The following CACNA2D1 variants were observed in gnomAD, a reference collection of about 807,000 sequenced individuals.
CACNA2D1 encodes voltage-dependent calcium channel subunit alpha-2/delta-1.
Under a neutral mutation model 171.5 loss-of-function variants are expected in CACNA2D1, and 53 were observed. The ratio of observed to expected loss-of-function variants is 0.31; its 90% CI spans 0.25 to 0.39. The LOEUF (loss-of-function observed/expected upper bound fraction) is 0.39, where lower values mean the gene tolerates loss of function less well. Among genes scored for constraint, CACNA2D1 ranks in the 10% least tolerant of loss-of-function variants. The pLI is 1.00. For missense variants in CACNA2D1, 903 were observed against 1,299.8 expected (o/e 0.69, Z 4.69); for synonymous variants, 442 against 443.1 (o/e 1.00, Z 0.03).
intron 3 of CACNA2D1, among the ~76,000 whole-genome samples, chr7:82,269,621 C>A (rs1047772721): frequency 2.0e-4 from 31 of 152,272 alleles, no homozygotes. Context: ...TTCCCCACTG[C>A]ACTGTGAGGT....
chr7:82,068,427 G>A (rs927737680), intron 7 of CACNA2D1, among the ~76,000 whole-genome samples: 42 of 152,128 alleles, frequency 2.8e-4, no homozygotes, highest in Non-Finnish European at 8.8e-5. Flanking sequence ...GGAACTGGGG[G>A]ATTAGGACCT....
chr7:82,350,731 A>T (rs895253845), intron 1 of CACNA2D1, among the ~76,000 whole-genome samples: 3 of 152,196 alleles, frequency 2.0e-5, no homozygotes, highest in African/African-American at 7.2e-5. Flanking sequence ...TAGATTTGGA[A>T]TTACTAGATC....
chr7:82,126,929 C>T (rs1416350330), intron 5 of CACNA2D1, among the ~76,000 whole-genome samples: 2 of 152,166 alleles, frequency 1.3e-5, no homozygotes, highest in Admixed American at 6.6e-5. Flanking sequence ...GTGCATCAAG[C>T]AATGGGACAT....
At position 82,343,170 on chromosome 7, in the gene CACNA2D1, C is replaced by A. The variant is rs1285389586; in HGVS notation, c.177+6398G>T. 4 of 152,148 alleles carry A rather than the reference C, an allele frequency of 2.6e-5. No individual in the cohort carries two copies. In the East Asian group the frequency reaches 7.7e-4, roughly 29 times the overall value. The allele number at this position is 152,148 out of a possible 1,614,324, so 9.4% of individuals were successfully genotyped here. A position where few individuals can be genotyped will look rare whatever the true frequency, so the allele number is the denominator to read the frequency against. ...TTCTAATACCAAACTCACGAGTCTC[C>A]CTAGCCACTCTATTCTTTCTATTTG... On this transcript the variant is annotated intron_variant, in intron 2 of 38. Transcript: ENST00000356860.
chr7:82,327,875 C>T (rs1811677687), intron 3 of CACNA2D1, among the ~76,000 whole-genome samples: 2 of 152,150 alleles, frequency 1.3e-5, no homozygotes, highest in South Asian at 4.1e-4. Flanking sequence ...CCAGGACATT[C>T]AATTGCAATG....
chr7:82,086,572 C>G (rs1810507824), intron 6 of CACNA2D1, among the ~76,000 whole-genome samples: 2 of 152,114 alleles, frequency 1.3e-5, no homozygotes, highest in Admixed American at 1.3e-4. Flanking sequence ...ACCCACTATT[C>G]ATGAATATTT....
In CACNA2D1 at chr7:82,187,280, T is replaced by C. The variant is rs571132197; in HGVS notation, c.295-16671A>G. 1.9e-4 allele frequency among the ~76,000 whole-genome samples: 29 copies of C among 152,294 alleles called. No individual in the cohort carries two copies. The Middle Eastern group carries it at 0.014, about 71-fold the overall frequency. On this transcript the variant is annotated intron_variant, in intron 3 of 38. Transcript: ENST00000356860. ...ATAATCCACATAATAAATACATTTATTACTCATTTGCAGTTTAAAACTGTA... is the reference window on the plus strand; with the variant it reads ...ATAATCCACATAATAAATACATTTACTACTCATTTGCAGTTTAAAACTGTA...
intron 1 of CACNA2D1, among the ~76,000 whole-genome samples, chr7:82,364,788 T>C (rs1294213011): frequency 2.6e-5 from 4 of 152,200 alleles, no homozygotes; most frequent in Non-Finnish European, 5.9e-5. Context: ...CCATCCCAGC[T>C]GGTCTTGTTC....
chr7:82,122,087 C>T (rs1218985610), intron 5 of CACNA2D1, among the ~76,000 whole-genome samples: 1 of 152,056 alleles, frequency 6.6e-6, no homozygotes, highest in African/African-American at 2.4e-5. Context: ...AGAGAAGAAA[C>T]AGTCTGAGAT....
At chr7:82,074,881 T>A (rs935060965) in intron 7 of CACNA2D1, among the ~76,000 whole-genome samples, 5 of 152,106 alleles carry the variant, frequency 3.3e-5, no homozygotes, top group Admixed American at 2.6e-4. Flanking sequence ...AATTTTTTTT[T>A]AATTAAGTTC....
At chr7:82,002,042 A>AAAAAG (rs1345439249) in intron 18 of CACNA2D1, among the ~76,000 whole-genome samples, 69 of 140,918 alleles carry the variant, frequency 4.9e-4, no homozygotes, top group African/African-American at 1.6e-3. Context: ...AAAAAAAAAA[A>AAAAAG]AGAGAGAGAG....
rs148234991 is a variant in CACNA2D1, at chr7:82,405,926, C to T, written c.95+37439G>A. Among the ~76,000 whole-genome samples, 637 of 152,160 alleles carry T rather than the reference C, an allele frequency of 4.2e-3. 1 individual carries two copies. The highest frequency in any genetic ancestry group is 0.024 in the Middle Eastern group (7 of 294). ...TATATATACTTTAAGTTCTAGGGTA[C>T]CTGCGCACAACGTGCAGGTTTGTTA... On this transcript the variant is annotated intron_variant, in intron 1 of 38. Coordinates refer to ENST00000356860, the MANE Select transcript of CACNA2D1 (RefSeq NM_000722.4).
In CACNA2D1 at chr7:82,270,719, A is replaced by G. The variant is rs1039869881; in HGVS notation, c.294+64416T>C. ...ATATGCTAGCTCCTCTCTTCTATCC[A>G]AATTTTAATTCTTGTTTTTTAAGTT... On this transcript the variant is annotated intron_variant, in intron 3 of 38. Coordinates refer to ENST00000356860, the MANE Select transcript of CACNA2D1 (RefSeq NM_000722.4). Among the ~76,000 whole-genome samples, 6 of 152,214 alleles carry G rather than the reference A, an allele frequency of 3.9e-5. No homozygotes were observed. The East Asian group carries it at 9.6e-4, about 24-fold the overall frequency.
chr7:82,222,324 G>A lies in CACNA2D1; in HGVS notation c.295-51715C>T, dbSNP rs138966541. 7.9e-5 allele frequency among the ~76,000 whole-genome samples: 12 copies of A among 152,250 alleles called. No individual in the cohort carries two copies. In the East Asian group the frequency reaches 1.9e-3, roughly 24 times the overall value. On this transcript the variant is annotated intron_variant, in intron 3 of 38. Transcript: ENST00000356860. The stretch of plus-strand genomic sequence containing the variant: ...ATCTGATCCACAGTCAGTTGAGACC[G>A]GGGCAGCCAGAAAGAACTATACAAG...
At chr7:82,017,147 T>A (rs1417329069) in intron 12 of CACNA2D1, among the ~76,000 whole-genome samples, 2 of 152,104 alleles carry the variant, frequency 1.3e-5, no homozygotes, top group Non-Finnish European at 2.9e-5. Flanking sequence ...AGGTATTTAA[T>A]GATTTTATGG....
intron 3 of CACNA2D1, among the ~76,000 whole-genome samples, chr7:82,324,639 T>C (rs1382757263): frequency 6.6e-6 from 1 of 152,084 alleles, no homozygotes; most frequent in Non-Finnish European, 1.5e-5. Flanking sequence ...GCTGCTCCAG[T>C]GTGTAACGTA....
At chr7:82,105,546 C>A (rs1044868542) in intron 6 of CACNA2D1, among the ~76,000 whole-genome samples, 1 of 151,508 alleles carries the variant, frequency 6.6e-6, no homozygotes, top group South Asian at 2.1e-4. Flanking sequence ...AATAGAGGAG[C>A]CATTTTGAGT....
chr7:82,140,681 C>T lies in CACNA2D1; in HGVS notation c.355-4005G>A, dbSNP rs146132262. 8.2e-3 allele frequency among the ~76,000 whole-genome samples: 1,242 copies of T among 152,058 alleles called. 22 individuals are homozygous for T. Among genetic ancestry groups the T allele is most frequent in the African/African-American group, 0.028 (1,176 of 41,474 alleles). ...TAAAAAAAAATTGCAATTGGCTGGGCGCGGTGGCTCATGCCTGTAGTCCCA... is the reference window on the plus strand; with the variant it reads ...TAAAAAAAAATTGCAATTGGCTGGGTGCGGTGGCTCATGCCTGTAGTCCCA... On this transcript the variant is annotated intron_variant, in intron 4 of 38. Coordinates refer to ENST00000356860, the MANE Select transcript of CACNA2D1 (RefSeq NM_000722.4).
At chr7:81,955,336 C>T (rs953180065) in intron 38 of CACNA2D1, among the ~76,000 whole-genome samples, 4 of 152,068 alleles carry the variant, frequency 2.6e-5, no homozygotes, top group Non-Finnish European at 4.4e-5. Flanking sequence ...GAGCATAGAC[C>T]ATAACCTTTA....
Sources: allele counts gnomAD v4.1 joint callset (sites outside exome capture counted in the v4.1 genomes callset), GRCh38; gene constraint gnomAD v4.1.1; transcripts MANE v1.5; gene names NCBI Gene and HGNC (gene_info 2026-07-23, HGNC 2026-07-21).